Variants in MEF2C observed in about 807,000 individuals in gnomAD.
MEF2C encodes myocyte enhancer factor 2C, also known as myocyte-specific enhancer factor 2C.
In MEF2C, 6 loss-of-function variants were observed where a neutral mutation model predicts 50.5. The ratio of observed to expected loss-of-function variants is 0.12; its 90% CI spans 0.07 to 0.23. The LOEUF (loss-of-function observed/expected upper bound fraction) is 0.23, where lower values mean the gene tolerates loss of function less well. Among genes scored for constraint, MEF2C ranks in the 10% least tolerant of loss-of-function variants. MEF2C has a pLI of 1.00. For missense variants in MEF2C, 276 were observed against 605.0 expected (o/e 0.46, Z 5.70); for synonymous variants, 183 against 228.0 (o/e 0.80, Z 1.78).
chr5:88,738,197 A>T, intron 6 of MEF2C: 1 of 985,336 alleles, frequency 1.0e-6, no homozygotes, highest in Non-Finnish European at 1.2e-6. Flanking sequence ...CCCTAGTGTG[A>T]GAGAAGCATG....
Position 88,823,874 on chromosome 5 carries a change from A to G in MEF2C, c.-86T>C. Reference sequence around the variant, plus strand: ...TTCTCTTTCCTGTTTCCTCCAAACAAATCTCCTTCTTCAGCACTTGCACAG... The same window carrying G: ...TTCTCTTTCCTGTTTCCTCCAAACAGATCTCCTTCTTCAGCACTTGCACAG... On this transcript the variant is annotated 5_prime_UTR_variant, in exon 2 of 11. Coordinates refer to ENST00000504921, the MANE Select transcript of MEF2C (RefSeq NM_002397.5). 1 of 1,588,852 alleles carries G rather than the reference A, an allele frequency of 6.3e-7. No individual in the cohort carries two copies. The highest frequency in any genetic ancestry group is 1.2e-5 in the South Asian group (1 of 86,166).
chr5:88,903,187 A>G (rs1835835776), intron 1 of MEF2C, among the ~76,000 whole-genome samples: 1 of 151,822 alleles, frequency 6.6e-6, no homozygotes, highest in Non-Finnish European at 1.5e-5. Context: ...AAATATATAA[A>G]TATACGAATT....
At chr5:88,746,928 T>C (rs981220797) in intron 6 of MEF2C, among the ~76,000 whole-genome samples, 12 of 152,228 alleles carry the variant, frequency 7.9e-5, no homozygotes, top group African/African-American at 2.4e-4. Context: ...AGCTATAATA[T>C]GCAATCAAGA....
chr5:88,750,492 C>T (rs1772196196), intron 5 of MEF2C, among the ~76,000 whole-genome samples: 1 of 152,040 alleles, frequency 6.6e-6, no homozygotes, highest in South Asian at 2.1e-4. Flanking sequence ...ACAGGCGTGA[C>T]CCACTGCATC....
upstream of MEF2C, chr5:88,883,253 A>AGG (rs144197632): frequency 3.7e-3 from 489 of 133,622 alleles, 1 homozygote; most frequent in African/African-American, 8.8e-3. Context: ...AGCGCGCGCG[A>AGG]GGGGGGGGGC....
In MEF2C at chr5:88,883,040, A is replaced by G. The variant is rs1833451485; in HGVS notation, c.-228T>C. On this transcript the variant is annotated 5_prime_UTR_variant, in exon 1 of 11. Transcript: ENST00000504921. ...GAGAGAAAAAAAAAATAACAACAAT[A>G]ATCTTTACTTCGTCCAGCGTTGAAG... 6.6e-6 allele frequency: 1 copy of G among 152,464 alleles called. No individual in the cohort carries two copies. Among genetic ancestry groups the G allele is most frequent in the Admixed American group, 6.5e-5 (1 of 15,270 alleles). The allele number at this position is 152,464 out of a possible 1,614,324, so 9.4% of individuals were successfully genotyped here. A position where few individuals can be genotyped will look rare whatever the true frequency, so the allele number is the denominator to read the frequency against.
At chr5:88,761,661 A>C (rs1777907074) in intron 3 of MEF2C, 1 of 208,570 alleles carries the variant, frequency 4.8e-6, no homozygotes, top group South Asian at 1.2e-4. Flanking sequence ...GCAAATTGCA[A>C]CACTCTCTTC....
At chr5:88,733,970 C>T (rs1762755552) in intron 6 of MEF2C, 1 of 984,632 alleles carries the variant, frequency 1.0e-6, no homozygotes, top group African/African-American at 1.8e-5. Flanking sequence ...TAAATTCGAA[C>T]AGTATTCCAT....
chr5:88,726,408 T>TA (rs1004284713), intron 10 of MEF2C, among the ~76,000 whole-genome samples: 1 of 152,080 alleles, frequency 6.6e-6, no homozygotes, highest in East Asian at 1.9e-4. Flanking sequence ...TGGGATTTTT[T>TA]AAAAAAACAG....
intron 3 of MEF2C, among the ~76,000 whole-genome samples, chr5:88,783,230 CA>C (rs1389899393): frequency 6.6e-6 from 1 of 152,214 alleles, no homozygotes; most frequent in African/African-American, 2.4e-5. Context: ...TACCAAGTGT[CA>C]GACCCTGTTC....
chr5:88,734,274 CTATT>C (rs1762928800), intron 6 of MEF2C: 2 of 985,212 alleles, frequency 2.0e-6, no homozygotes, highest in African/African-American at 1.7e-5. Flanking sequence ...TGTCACTTAT[CTATT>C]AAGCCTGTGT....
chr5:88,800,019 T>C (rs1375161198), intron 3 of MEF2C, among the ~76,000 whole-genome samples: 3 of 152,184 alleles, frequency 2.0e-5, no homozygotes, highest in Non-Finnish European at 4.4e-5. Context: ...CATCCATCTC[T>C]GAATTTCCTA....
At chr5:88,747,931 C>T in intron 6 of MEF2C, 1 of 482,620 alleles carries the variant, frequency 2.1e-6, no homozygotes, top group Non-Finnish European at 2.7e-6. Flanking sequence ...GAAAAAATTT[C>T]ATTTCCATGT....
chr5:88,763,753 C>A (rs1778844161), intron 3 of MEF2C, among the ~76,000 whole-genome samples: 1 of 151,750 alleles, frequency 6.6e-6, no homozygotes, highest in South Asian at 2.1e-4. Flanking sequence ...ATTGTAGGCC[C>A]AGACAATCCT....
At chr5:88,806,071 A>G (rs1051612568) in intron 2 of MEF2C, among the ~76,000 whole-genome samples, 1 of 151,962 alleles carries the variant, frequency 6.6e-6, no homozygotes, top group East Asian at 1.9e-4. Context: ...TTTCGAACCT[A>G]TTGCTGACAT....
intron 1 of MEF2C, among the ~76,000 whole-genome samples, chr5:88,900,363 T>C (rs1287581934): frequency 6.6e-6 from 1 of 151,876 alleles, no homozygotes. Flanking sequence ...TATATACATA[T>C]ACTTATGTGT....
intron 1 of MEF2C, chr5:88,838,464 A>T: frequency 1.5e-6 from 1 of 655,944 alleles, no homozygotes; most frequent in Non-Finnish European, 1.9e-6. Flanking sequence ...TATATTCTTC[A>T]CAATTCCCGG....
At chr5:88,724,159 T>C (rs1418743006) in intron 10 of MEF2C, among the ~76,000 whole-genome samples, 2 of 152,176 alleles carry the variant, frequency 1.3e-5, no homozygotes, top group Non-Finnish European at 2.9e-5. Context: ...ACACCCATTT[T>C]AAACAAAGGA....
At chr5:88,745,803 A>G (rs1375038868) in intron 6 of MEF2C, among the ~76,000 whole-genome samples, 1 of 152,238 alleles carries the variant, frequency 6.6e-6, no homozygotes, top group African/African-American at 2.4e-5. Flanking sequence ...TGACAGAGCA[A>G]GACACTGTCT....
Sources: allele counts gnomAD v4.1 joint callset (sites outside exome capture counted in the v4.1 genomes callset), GRCh38; gene constraint gnomAD v4.1.1; transcripts MANE v1.5; gene names NCBI Gene and HGNC (gene_info 2026-07-23, HGNC 2026-07-21).